MLLT3: variants seen among roughly 807,000 people sequenced by gnomAD.
The protein encoded by MLLT3 is protein AF-9.
A neutral mutation model predicts 53.2 loss-of-function variants in MLLT3; 4 were observed. The observed-to-expected ratio is 0.08, with a 90% confidence interval of 0.04 to 0.17. The LOEUF is 0.17. Ranked by LOEUF, MLLT3 falls within the 10% of genes least tolerant of loss-of-function variation. MLLT3 has a pLI of 1.00. For missense variants in MLLT3, 569 were observed against 684.0 expected, an observed-to-expected ratio of 0.83 and a Z score of 1.87; for synonymous variants, 283 against 230.6, an observed-to-expected ratio of 1.23 and a Z score of -2.06.
At chr9:20,444,829 A>G (rs1823653382) in intron 4 of MLLT3, among the ~76,000 whole-genome samples, 1 of 152,084 alleles carries the variant, frequency 6.6e-6, no homozygotes, top group African/African-American at 2.4e-5. Context: ...CCATGACTGC[A>G]CCACTGCACT....
chr9:20,347,075 CAAAAAAAAAA>C (rs11295975), intron 10 of MLLT3, among the ~76,000 whole-genome samples: 7 of 83,018 alleles, frequency 8.4e-5, no homozygotes, highest in Non-Finnish European at 1.4e-4. Flanking sequence ...CAGGAACTCC[CAAAAAAAAAA>C]AAAAAAAAAA....
chr9:20,378,754 T>C (rs571239364), intron 5 of MLLT3, among the ~76,000 whole-genome samples: 9 of 152,210 alleles, frequency 5.9e-5, no homozygotes, highest in Non-Finnish European at 1.0e-4. Flanking sequence ...TGTAAAAATA[T>C]ATCTATTTTA....
At chr9:20,606,790 C>T (rs1820581989) in intron 2 of MLLT3, among the ~76,000 whole-genome samples, 2 of 152,084 alleles carry the variant, frequency 1.3e-5, no homozygotes, top group South Asian at 4.1e-4. Flanking sequence ...TGCCCCATTT[C>T]CCACGCATTC....
chr9:20,505,640 G>C (rs1329358238), intron 2 of MLLT3, among the ~76,000 whole-genome samples: 1 of 152,112 alleles, frequency 6.6e-6, no homozygotes, highest in African/African-American at 2.4e-5. Flanking sequence ...TTGGCTTATG[G>C]CATTGTTTCC....
intron 4 of MLLT3, among the ~76,000 whole-genome samples, chr9:20,436,720 A>AG: frequency 6.6e-6 from 1 of 152,316 alleles, no homozygotes; most frequent in Non-Finnish European, 1.5e-5. Context: ...TTGATGCCTT[A>AG]GTTTACTCAT....
chr9:20,377,590 A>T (rs1045515040), intron 5 of MLLT3, among the ~76,000 whole-genome samples: 2 of 152,164 alleles, frequency 1.3e-5, no homozygotes, highest in African/African-American at 4.8e-5. Context: ...TAACCTTTTA[A>T]AAAATGTGTC....
intron 2 of MLLT3, among the ~76,000 whole-genome samples, chr9:20,596,294 G>C (rs1820260670): frequency 6.6e-6 from 1 of 152,132 alleles, no homozygotes; most frequent in Admixed American, 6.6e-5. Flanking sequence ...GAATTACCAG[G>C]AAAACTATGG....
At chr9:20,613,142 C>A (rs1820741615) in intron 2 of MLLT3, among the ~76,000 whole-genome samples, 1 of 152,030 alleles carries the variant, frequency 6.6e-6, no homozygotes, top group South Asian at 2.1e-4. Flanking sequence ...GGTTCAGAAA[C>A]AGAATTGAGT....
Position 20,620,920 on chromosome 9 carries a change from C to T in MLLT3, c.13-86G>A. The T allele has an allele frequency of 6.8e-7, 1 of 1,469,128 alleles. No individual in the cohort carries two copies. The highest frequency in any genetic ancestry group is 9.4e-7 in the Non-Finnish European group (1 of 1,058,834). The allele number at this position is 1,469,128 out of a possible 1,614,324, so 91.0% of individuals were successfully genotyped here. A position where few individuals can be genotyped will look rare whatever the true frequency, so the allele number is the denominator to read the frequency against. The stretch of plus-strand genomic sequence containing the variant: ...ACGTTGCGCCTGACATTTTTTTCCT[C>T]CTTCTTGAAACGCACATAAAAGGAA... On this transcript the variant is annotated intron_variant, in intron 1 of 10. Transcript: ENST00000380338. This position sits in a 1 kb window ranked among gnomAD's most constrained non-coding sequence, Gnocchi z 6.1.
chr9:20,562,125 C>A (rs776912873), intron 2 of MLLT3, among the ~76,000 whole-genome samples: 21 of 152,102 alleles, frequency 1.4e-4, no homozygotes, highest in Non-Finnish European at 2.4e-4. Context: ...TAAAGCCATG[C>A]ATGTCAACAT....
intron 2 of MLLT3, among the ~76,000 whole-genome samples, chr9:20,578,808 C>T (rs1370986175): frequency 2.6e-5 from 4 of 151,890 alleles, no homozygotes; most frequent in Admixed American, 6.6e-5. Context: ...TAAATACATA[C>T]CAGATTCCAA....
intron 2 of MLLT3, among the ~76,000 whole-genome samples, chr9:20,588,027 A>C (rs1303956197): frequency 1.3e-5 from 2 of 149,942 alleles, no homozygotes; most frequent in Non-Finnish European, 3.0e-5. Context: ...TATAAGGTGT[A>C]AGGAAGGGAT....
chr9:20,468,352 G>A (rs1394555592), intron 2 of MLLT3, among the ~76,000 whole-genome samples: 1 of 152,194 alleles, frequency 6.6e-6, no homozygotes. Context: ...ACAGGGATAT[G>A]TGAAAAAAGA....
At chr9:20,375,684 C>T (rs1323611085) in intron 5 of MLLT3, among the ~76,000 whole-genome samples, 1 of 149,712 alleles carries the variant, frequency 6.7e-6, no homozygotes, top group Non-Finnish European at 1.5e-5. Context: ...TCTCAGCTCA[C>T]TGAAAGCTCC....
At chr9:20,365,853 A>T (rs1821437538) in intron 5 of MLLT3, 109 bp from the exon 6 acceptor site, 2 of 1,023,948 alleles carry the variant, frequency 2.0e-6, no homozygotes, top group South Asian at 3.0e-5. Context: ...ACCGTGATGC[A>T]TTTCATTATG....
At chr9:20,387,364 A>G (rs1032760535) in intron 5 of MLLT3, among the ~76,000 whole-genome samples, 1 of 152,218 alleles carries the variant, frequency 6.6e-6, no homozygotes, top group Non-Finnish European at 1.5e-5. Flanking sequence ...ACACTTAAAG[A>G]TGTTAGGGAT....
chr9:20,572,370 A>G (rs1819551377), intron 2 of MLLT3, among the ~76,000 whole-genome samples: 1 of 152,216 alleles, frequency 6.6e-6, no homozygotes, highest in African/African-American at 2.4e-5. Context: ...TGTTCTTGCC[A>G]TCTCAAAATG....
intron 2 of MLLT3, among the ~76,000 whole-genome samples, chr9:20,545,946 T>C (rs1818776741): frequency 6.6e-6 from 1 of 151,636 alleles, no homozygotes; most frequent in African/African-American, 2.4e-5. Flanking sequence ...TGAGCTCAAG[T>C]GTTTCAATGC....
rs1441063212 is a variant in MLLT3, at chr9:20,370,752, C to T, written c.1126-5008G>A. Among the ~76,000 whole-genome samples the T allele has an allele frequency of 2.0e-5, 3 of 152,082 alleles. No individual in the cohort carries two copies. In the East Asian group the frequency reaches 5.8e-4, roughly 29 times the overall value. ...TCTCGAACTCTTGACCTCAGGTGAT[C>T]CACCTGCCTTGGCCTCCCAAACTGC... On this transcript the variant is annotated intron_variant, in intron 5 of 10. Transcript: ENST00000380338.
Sources: gnomAD v4.1 joint callset for allele counts (sites outside exome capture counted in the v4.1 genomes callset) on GRCh38, gnomAD v4.1.1 for gene constraint, Gnocchi (gnomAD v3.1) non-coding constraint, MANE v1.5 for transcripts, NCBI Gene and HGNC (gene_info 2026-07-23, HGNC 2026-07-21) for gene names.